Variants in SETDB2 observed in about 807,000 individuals in gnomAD.
The protein encoded by SETDB2 is histone-lysine N-methyltransferase SETDB2.
In SETDB2, 56 loss-of-function variants were observed where a neutral mutation model predicts 82.5. The observed-to-expected ratio is 0.68, with a 90% CI of 0.55 to 0.85. The LOEUF (loss-of-function observed/expected upper bound fraction) is 0.85, where lower values mean the gene tolerates loss of function less well. Among genes scored for constraint, SETDB2 ranks in the 40% least tolerant of loss-of-function variants. SETDB2 has a pLI of 0.00. For synonymous variants in SETDB2, 272 were observed against 284.9 expected (o/e 0.95, Z 0.46); for missense variants, 677 against 816.4 (o/e 0.83, Z 2.08).
rs527462303 is a variant in SETDB2 at position 49,482,860 on chromosome 13, G to C, written c.1280G>C (p.Cys427Ser). The C allele has an allele frequency of 6.2e-7, 1 of 1,613,366 alleles. No individual in the cohort carries two copies. Among genetic ancestry groups the C allele is most frequent in the African/African-American group, 1.3e-5 (1 of 75,014 alleles). ...KRKLEVACSD[C>S]EVEVLPLGLE... ...AAATTAGAAGTTGCATGTTCAGATT[G>C]TGAAGTTGAAGTTCTCCCATTAGGA... is the stretch of plus-strand genomic sequence containing the variant. The change falls in exon 9 of 14, where the codon TGT becomes TCT. Residue 427 changes from cysteine to serine, a missense_variant. This residue lies in a region of SETDB2 where 420 missense variants were observed against 554.6 expected (regional missense o/e 0.76). Coordinates refer to ENST00000611815, the MANE Select transcript of SETDB2 (RefSeq NM_001160308.3).
At chr13:49,486,878 C>T (rs1352773378) in intron 11 of SETDB2, among the ~76,000 whole-genome samples, 4 of 152,212 alleles carry the variant, frequency 2.6e-5, no homozygotes, top group South Asian at 2.1e-4. Flanking sequence ...CTGTCTCTTC[C>T]CCCCTGCAAC....
At position 49,468,102 on chromosome 13, in the gene SETDB2, T is replaced by C. The variant is rs571669498; in HGVS notation, c.305+142T>C. ...AAAAGTTGTATATTTTAGTATTTTA[T>C]GTAAGATAGAATTTCATGAGTCTCT... On this transcript the variant is annotated intron_variant, in intron 5 of 13. Coordinates refer to ENST00000611815, the MANE Select transcript of SETDB2 (RefSeq NM_001160308.3). 2.1e-5 allele frequency: 10 copies of C among 482,072 alleles called. 1 individual carries two copies. The South Asian group carries it at 4.5e-4, about 22-fold the overall frequency. 29.9% of individuals were successfully genotyped at this position (482,072 alleles called of 1,614,324 possible). A position where few individuals can be genotyped will look rare whatever the true frequency, so the allele number is the denominator to read the frequency against.
intron 2 of SETDB2, 128 bp downstream of exon 2, chr13:49,452,037 G>A: frequency 1.7e-6 from 1 of 589,774 alleles, no homozygotes. Flanking sequence ...GGGAATTAAG[G>A]GTTTATTCTT....
At chr13:49,463,866 T>G (rs960525104) in intron 4 of SETDB2, among the ~76,000 whole-genome samples, 2 of 152,242 alleles carry the variant, frequency 1.3e-5, no homozygotes, top group African/African-American at 4.8e-5. Flanking sequence ...CCAGAGCACA[T>G]TCCTTTGTGT....
At chr13:49,477,291 C>G (rs1246658020) in intron 6 of SETDB2, among the ~76,000 whole-genome samples, 1 of 152,036 alleles carries the variant, frequency 6.6e-6, no homozygotes, top group African/African-American at 2.4e-5. Context: ...TAAAAATTAG[C>G]TGGGTATGGT....
chr13:49,462,731 C>G (rs188067757), intron 4 of SETDB2, among the ~76,000 whole-genome samples: 1 of 152,234 alleles, frequency 6.6e-6, no homozygotes, highest in East Asian at 1.9e-4. Flanking sequence ...TAATTTGGAG[C>G]CTTAAGGCTT....
chr13:49,474,230 C>G (rs1329147762), intron 5 of SETDB2, among the ~76,000 whole-genome samples: 1 of 152,102 alleles, frequency 6.6e-6, no homozygotes, highest in Non-Finnish European at 1.5e-5. Context: ...CCACTGCACT[C>G]CAGCCTGGGC....
In SETDB2 at chr13:49,470,968, T is replaced by TTCTTTCTTTC. The variant is rs544662981; in HGVS notation, c.305+3009_305+3010insCTTTCTTTCT. Among the ~76,000 whole-genome samples the TTCTTTCTTTC allele has an allele frequency of 7.6e-3, 931 of 122,206 alleles. 21 individuals are homozygous for TTCTTTCTTTC. Among genetic ancestry groups the TTCTTTCTTTC allele is most frequent in the Admixed American group, 0.053 (628 of 11,840 alleles). 80.2% of individuals were successfully genotyped at this position (122,206 alleles called of 152,430 possible). ...TTTTTTGTTTTCTTTCTTTCTTTCT[T>TTCTTTCTTTC]TTTTTTTTTTTTTTTTGAGACAGCA... On this transcript the variant is annotated intron_variant, in intron 5 of 13. Transcript: ENST00000611815.
chr13:49,450,593 C>T (rs1225902624), intron 1 of SETDB2, among the ~76,000 whole-genome samples: 2 of 152,080 alleles, frequency 1.3e-5, no homozygotes, highest in Admixed American at 1.3e-4. Context: ...TTGTGGTTGC[C>T]ATCATCTCTA....
chr13:49,469,689 A>G (rs1053159922), intron 5 of SETDB2, among the ~76,000 whole-genome samples: 1 of 151,990 alleles, frequency 6.6e-6, no homozygotes, highest in Admixed American at 6.6e-5. Flanking sequence ...GTATTATTTT[A>G]TTTTTAATTT....
chr13:49,483,553 G>A lies in SETDB2; in HGVS notation c.1472G>A (p.Gly491Glu). The A allele has an allele frequency of 1.4e-6, 2 of 1,442,518 alleles. No individual in the cohort carries two copies. The highest frequency in any genetic ancestry group is 1.9e-6 in the Non-Finnish European group (2 of 1,069,918). The allele number at this position is 1,442,518 out of a possible 1,614,324, so 89.4% of individuals were successfully genotyped here. The stretch of plus-strand genomic sequence containing the variant: ...AAGACAGCCATTTTTCAACACAATG[G>A]GAAAAAAATGGTAAAAAATGCAAAA... ...ESKTAIFQHN[G>E]KKMEFVSSES... is the part of the protein sequence containing the mutation. The change falls in exon 10 of 14, where the codon GGG becomes GAG. Residue 491 changes from glycine (G) to glutamate (E), a missense_variant. Around this residue, in one of 3 missense-constraint regions of SETDB2, gnomAD observed 420 missense variants for 554.6 expected, o/e 0.76. Transcript: ENST00000611815.
chr13:49,482,193 A>G (rs1288605079), intron 8 of SETDB2: 5 of 985,338 alleles, frequency 5.1e-6, no homozygotes, highest in South Asian at 9.4e-5. Flanking sequence ...CGATCTAACA[A>G]TGGGTAAGAA....
At chr13:49,470,587 C>G (rs970290964) in intron 5 of SETDB2, among the ~76,000 whole-genome samples, 1 of 152,176 alleles carries the variant, frequency 6.6e-6, no homozygotes, top group African/African-American at 2.4e-5. Flanking sequence ...GTGGCTCACA[C>G]CTGTAATCCC....
chr13:49,459,331 T>G (rs753638419), intron 2 of SETDB2, among the ~76,000 whole-genome samples: 1 of 152,210 alleles, frequency 6.6e-6, no homozygotes, highest in Non-Finnish European at 1.5e-5. Flanking sequence ...TGTCTACTCA[T>G]TAATCCTCCC....
intron 2 of SETDB2, among the ~76,000 whole-genome samples, chr13:49,453,870 G>GTATA (rs71188359): frequency 0.017 from 2,510 of 150,548 alleles, 19 homozygotes; most frequent in Non-Finnish European, 0.023. Context: ...GAGCAATGAA[G>GTATA]TATATATATA....
rs928342165 is a variant in SETDB2 at position 49,476,782 on chromosome 13, T to C, written c.612T>C (p.Phe204=). The change falls in exon 6 of 14, where the codon TTT becomes TTC. Residue 204 remains phenylalanine (F), a synonymous_variant. Coordinates refer to ENST00000611815, the MANE Select transcript of SETDB2 (RefSeq NM_001160308.3). ...FRYLLETECN[F]LFTDNFSFNT... ...ACCTGCTTGAGACAGAGTGTAACTT[T>C]TTATTTACAGATAACTTTTCTTTCA... 3.1e-6 allele frequency: 5 copies of C among 1,613,454 alleles called. No homozygotes were observed. The Admixed American group carries it at 5.0e-5, about 16-fold the overall frequency.
At chr13:49,459,910 G>A in intron 2 of SETDB2, 197 bp from the exon 3 acceptor site, 1 of 468,060 alleles carries the variant, frequency 2.1e-6, no homozygotes, top group Non-Finnish European at 3.7e-6. Context: ...TAACAGAAAT[G>A]GGTAAGATAC....
intron 11 of SETDB2, among the ~76,000 whole-genome samples, chr13:49,486,235 T>C (rs1415011083): frequency 1.3e-5 from 2 of 151,640 alleles, no homozygotes; most frequent in Non-Finnish European, 2.9e-5. Context: ...GGTCAGGAGT[T>C]TGAGGTTACA....
intron 4 of SETDB2, among the ~76,000 whole-genome samples, chr13:49,462,257 C>T (rs1958010824): frequency 6.6e-6 from 1 of 152,198 alleles, no homozygotes; most frequent in Non-Finnish European, 1.5e-5. Flanking sequence ...AACTCATTAA[C>T]CATGCCTTTG....
Sources: allele counts gnomAD v4.1 joint callset (sites outside exome capture counted in the v4.1 genomes callset), GRCh38; gene constraint gnomAD v4.1.1; regional missense constraint gnomAD v4.1.1; transcripts MANE v1.5; gene names NCBI Gene and HGNC (gene_info 2026-07-23, HGNC 2026-07-21).